SPATA2L: variants seen among roughly 807,000 people sequenced by gnomAD.
SPATA2L encodes spermatogenesis-associated protein 2-like protein.
A neutral mutation model predicts 8.7 loss-of-function variants in SPATA2L; 5 were observed. The ratio of observed to expected loss-of-function variants is 0.57; its 90% confidence interval spans 0.30 to 1.21. SPATA2L has a LOEUF of 1.21. SPATA2L is among the 50% of genes most tolerant of loss of function. SPATA2L has a pLI of 0.07. For missense variants in SPATA2L, 671 were observed against 591.0 expected, an observed-to-expected ratio of 1.14 and a Z score of -1.40; for synonymous variants, 358 against 275.8, an observed-to-expected ratio of 1.30 and a Z score of -2.95.
Position 89,697,978 on chromosome 16 carries a change from GT to G in SPATA2L, c.630del (p.Leu212CysfsTer105), listed in dbSNP as rs760090879. The G allele has an allele frequency of 1.9e-6, 3 of 1,604,254 alleles. No individual in the cohort carries two copies. Among genetic ancestry groups the G allele is most frequent in the Non-Finnish European group, 2.5e-6 (3 of 1,177,530 alleles). ...QQRLAQDEEP[P>X]PLPPRGSPAA... ...GCAGGGGAGCCTCGGGGGGGCAGGG[GT>G]GGCGGCTCCTCATCCTGGGCCAGCC... On this transcript the variant is annotated frameshift_variant, in exon 3 of 3. Transcript: ENST00000289805. LOFTEE classifies it low-confidence loss of function (END_TRUNC).
In SPATA2L at chr16:89,697,572, T is replaced by C. The variant is rs768318460; in HGVS notation, c.1037A>G (p.Tyr346Cys). The change falls in exon 3 of 3, where the codon TAT (tyrosine) becomes TGT (cysteine). Residue 346 changes from tyrosine to cysteine, a missense_variant. By Grantham distance (194) the Tyr-to-Cys change is radical. Transcript: ENST00000289805. ...IRAEGVPASA[Y>C]RSVSEPPGYQ... ...GCCTGGGGGCTCCGAGACAGACCTA[T>C]AGGCTGAGGCTGGTACCCCCTCTGC... 2 of 1,598,742 alleles carry C rather than the reference T, an allele frequency of 1.3e-6. No individual in the cohort carries two copies. The highest frequency in any genetic ancestry group is 1.7e-6 in the Non-Finnish European group (2 of 1,175,492).
In SPATA2L at chr16:89,701,083, C is replaced by A. The variant is rs558312501; in HGVS notation, c.150G>T (p.Gln50His). The change falls in exon 2 of 3, where the codon CAG (glutamine) becomes CAT (histidine). Residue 50 changes from glutamine to histidine, a missense_variant. By Grantham distance (24) the Gln-to-His change is conservative. Transcript: ENST00000289805. ...VEDFDLHGAL[Q>H]DDALALLTDG... ...CGGTGAGCAGAGCCAGCGCGTCGTC[C>A]TGCAGCGCCCCGTGCAGGTCGAAGT... 6.4e-7 allele frequency: 1 copy of A among 1,570,228 alleles called. No individual in the cohort carries two copies. The highest frequency in any genetic ancestry group is 8.6e-7 in the Non-Finnish European group (1 of 1,163,314).
intron 2 of SPATA2L, among the ~76,000 whole-genome samples, chr16:89,698,834 C>T (rs1032591076): frequency 6.7e-6 from 1 of 148,306 alleles, no homozygotes; most frequent in Non-Finnish European, 1.5e-5. Flanking sequence ...CTCGCTCTGT[C>T]TGGAGTACAG....
In SPATA2L at chr16:89,697,300, C is replaced by T. The variant is rs771206661; in HGVS notation, c.*34G>A. The T allele has an allele frequency of 4.1e-6, 6 of 1,479,830 alleles. No individual in the cohort carries two copies. In the Admixed American group the frequency reaches 1.2e-4, roughly 30 times the overall value. The allele number at this position is 1,479,830 out of a possible 1,614,324, so 91.7% of individuals were successfully genotyped here. A position where few individuals can be genotyped will look rare whatever the true frequency, so the allele number is the denominator to read the frequency against. ...CAAAGAGAAGCACCACGGGAGCTGT[C>T]TCCCAAGAGCCCTTGACCTGGGGCC... On this transcript the variant is annotated 3_prime_UTR_variant, in exon 3 of 3. Transcript: ENST00000289805.
chr16:89,700,482 G>A (rs949001070), intron 2 of SPATA2L, among the ~76,000 whole-genome samples: 4 of 152,330 alleles, frequency 2.6e-5, no homozygotes, highest in Admixed American at 6.5e-5. Flanking sequence ...GAGTTCACTA[G>A]GTCTGAGCCC....
At chr16:89,700,440 G>A (rs2060768625) in intron 2 of SPATA2L, among the ~76,000 whole-genome samples, 1 of 152,216 alleles carries the variant, frequency 6.6e-6, no homozygotes, top group South Asian at 2.1e-4. Flanking sequence ...GGCCAGGCCA[G>A]CCCTGGGCAC....
At position 89,697,812 on chromosome 16, in the gene SPATA2L, T is replaced by C. The variant is rs764979245; in HGVS notation, c.797A>G (p.Gln266Arg). 6.2e-7 allele frequency: 1 copy of C among 1,603,472 alleles called. No individual in the cohort carries two copies. The highest frequency in any genetic ancestry group is 8.5e-7 in the Non-Finnish European group (1 of 1,176,230). Reference protein sequence around the residue: ...ELAYRPPLWEQSAKLWGTGGR... With the variant: ...ELAYRPPLWERSAKLWGTGGR... The stretch of plus-strand genomic sequence containing the variant: ...CCCAGTGCCCCACAGTTTGGCACTC[T>C]GCTCCCAGAGTGGTGGCCTGTAGGC... Residue 266 changes from glutamine (Q) to arginine (R), a missense_variant, in exon 3 of 3, where the codon CAG becomes CGG. By Grantham distance (43) the Gln-to-Arg change is conservative. Coordinates refer to ENST00000289805, the MANE Select transcript of SPATA2L (RefSeq NM_152339.4).
In SPATA2L at chr16:89,701,250, T is replaced by TC. The variant is rs936308419; in HGVS notation, c.-1-18dup. ...CTGCCCATCCTGCGGCGGACGGGGG[T>TC]CGGGGGGGTCAGGGACCTAAGGCCG... On this transcript the variant is annotated splice_polypyrimidine_tract_variant and intron_variant, in intron 1 of 2. Transcript: ENST00000289805. The TC allele has an allele frequency of 3.9e-5, 55 of 1,396,114 alleles. No homozygotes were observed. Among genetic ancestry groups the TC allele is most frequent in the Admixed American group, 6.0e-5 (2 of 33,126 alleles). 86.5% of individuals were successfully genotyped at this position (1,396,114 alleles called of 1,614,324 possible). A position where few individuals can be genotyped will look rare whatever the true frequency, so the allele number is the denominator to read the frequency against.
chr16:89,698,284 G>T lies in SPATA2L; in HGVS notation c.325C>A (p.His109Asn). 1 of 1,577,176 alleles carries T rather than the reference G, an allele frequency of 6.3e-7. No individual in the cohort carries two copies. The highest frequency in any genetic ancestry group is 8.6e-7 in the Non-Finnish European group (1 of 1,158,678). The change falls in exon 3 of 3, where the codon CAC becomes AAC. Residue 109 changes from histidine (H) to asparagine (N), a missense_variant. Transcript: ENST00000289805. ...TIKTFSGGYVHVLKGVLSDDL... is the reference protein window; with the variant it reads ...TIKTFSGGYVNVLKGVLSDDL... ...TCTGAGAGCACACCCTTCAGCACGT[G>T]CACGTAGCCCCCAGAGAAGGTCTGC...
rs757774192 is a variant in SPATA2L, at chr16:89,697,603, T to A, written c.1006A>T (p.Ile336Phe). 6.2e-6 allele frequency: 10 copies of A among 1,602,782 alleles called. No individual in the cohort carries two copies. The highest frequency in any genetic ancestry group is 7.6e-6 in the Non-Finnish European group (9 of 1,178,392). Reference sequence around the variant, plus strand: ...GAGGCTGGTACCCCCTCTGCCCGAATACGCCTCGGGCTGGCCGCTGCAGAG... The same window carrying A: ...GAGGCTGGTACCCCCTCTGCCCGAAAACGCCTCGGGCTGGCCGCTGCAGAG... The part of the protein sequence containing the change: ...ESSAAASPRR[I>F]RAEGVPASAY... The change falls in exon 3 of 3, where the codon ATT becomes TTT. Residue 336 changes from isoleucine (I) to phenylalanine (F), a missense_variant. Physicochemically the swap from Ile to Phe is conservative, Grantham distance 21. Coordinates refer to ENST00000289805, the MANE Select transcript of SPATA2L (RefSeq NM_152339.4).
Position 89,696,629 on chromosome 16 carries a change from C to G in SPATA2L, c.*705G>C. On this transcript the variant is annotated 3_prime_UTR_variant, in exon 3 of 3. Coordinates refer to ENST00000289805, the MANE Select transcript of SPATA2L (RefSeq NM_152339.4). ...ACCACTGGACCCACCAAGACCCCGC[C>G]GCCTGGGCGGGCTGTCCACAGGCCC... is the stretch of plus-strand genomic sequence containing the variant. 1 of 696,116 alleles carries G rather than the reference C, an allele frequency of 1.4e-6. No homozygotes were observed. The highest frequency in any genetic ancestry group is 2.3e-6 in the Non-Finnish European group (1 of 431,450). The allele number at this position is 696,116 out of a possible 1,614,324, so 43.1% of individuals were successfully genotyped here. A position where few individuals can be genotyped will look rare whatever the true frequency, so the allele number is the denominator to read the frequency against.
chr16:89,700,096 A>ATTAGCTAATT (rs1448781039), intron 2 of SPATA2L, among the ~76,000 whole-genome samples: 1 of 152,198 alleles, frequency 6.6e-6, no homozygotes, highest in Non-Finnish European at 1.5e-5. Context: ...GCTGACAGAG[A>ATTAGCTAATT]TTAGCTAATT....
rs1256741052 is a variant in SPATA2L at position 89,698,234 on chromosome 16, C to A, written c.375G>T (p.Gln125His). 1.9e-6 allele frequency: 3 copies of A among 1,611,414 alleles called. No homozygotes were observed. Among genetic ancestry groups the A allele is most frequent in the Non-Finnish European group, 2.5e-6 (3 of 1,178,778 alleles). The change falls in exon 3 of 3, where the codon CAG becomes CAT. Residue 125 changes from glutamine to histidine, a missense_variant. By Grantham distance (24) the Gln-to-His change is conservative. Coordinates refer to ENST00000289805, the MANE Select transcript of SPATA2L (RefSeq NM_152339.4). Reference sequence around the variant, plus strand: ...TGTCTCTGCGTACGTAGCCCATCTTCTGGAAGCTCTTCAGGAGGAGGTCGT... The same window carrying A: ...TGTCTCTGCGTACGTAGCCCATCTTATGGAAGCTCTTCAGGAGGAGGTCGT... Reference protein sequence around the residue: ...LSDDLLLKSFQKMGYVRRDSH... With the variant: ...LSDDLLLKSFHKMGYVRRDSH...
At chr16:89,698,329 T>C (rs2060751696) in intron 2 of SPATA2L, 24 bp from the exon 3 acceptor site, 1 of 1,535,392 alleles carries the variant, frequency 6.5e-7, no homozygotes. Context: ...GCCAGGTCAG[T>C]GACTGCCCAC....
chr16:89,697,027 G>T lies in SPATA2L; in HGVS notation c.*307C>A. The T allele has an allele frequency of 1.4e-6, 2 of 1,419,608 alleles. No homozygotes were observed. The highest frequency in any genetic ancestry group is 1.8e-6 in the Non-Finnish European group (2 of 1,086,874). 87.9% of individuals were successfully genotyped at this position (1,419,608 alleles called of 1,614,324 possible). On this transcript the variant is annotated 3_prime_UTR_variant, in exon 3 of 3. Transcript: ENST00000289805. Reference sequence around the variant, plus strand: ...CTTGGGGCACAGGGTCCTTCTCAGGGACAGGTTCAGGCACTGGCTGGAACA... The same window carrying T: ...CTTGGGGCACAGGGTCCTTCTCAGGTACAGGTTCAGGCACTGGCTGGAACA...
intron 2 of SPATA2L, 23 bp from the exon 3 acceptor site, chr16:89,698,328 G>T (rs777727436): frequency 1.3e-6 from 2 of 1,535,914 alleles, no homozygotes; most frequent in Non-Finnish European, 8.8e-7. Flanking sequence ...GGCCAGGTCA[G>T]TGACTGCCCA....
intron 1 of SPATA2L, 112 bp from the exon 2 acceptor site, chr16:89,701,345 C>A: frequency 1.7e-5 from 19 of 1,144,156 alleles, no homozygotes; most frequent in Non-Finnish European, 2.2e-5. Context: ...CTGGAGACCC[C>A]GCCCCCAGCG....
chr16:89,701,357 C>T, intron 1 of SPATA2L, 124 bp from the exon 2 acceptor site: 1 of 1,016,786 alleles, frequency 9.8e-7, no homozygotes, highest in Non-Finnish European at 1.3e-6. Flanking sequence ...CCCCCAGCGG[C>T]TGGGCGCCCC....
chr16:89,698,720 C>T lies in SPATA2L; in HGVS notation c.304-415G>A, dbSNP rs180682840. Among the ~76,000 whole-genome samples, 296 of 151,818 alleles carry T rather than the reference C, an allele frequency of 1.9e-3. 2 individuals carry two copies. Among genetic ancestry groups the T allele is most frequent in the African/African-American group, 6.9e-3 (287 of 41,424 alleles). On this transcript the variant is annotated intron_variant, in intron 2 of 2. Coordinates refer to ENST00000289805, the MANE Select transcript of SPATA2L (RefSeq NM_152339.4). The stretch of plus-strand genomic sequence containing the variant: ...CATGCTGGTCTCAAACTCCTGACCT[C>T]AAGTGATCCGCCTGCCTTGAGCTCC...
Sources: allele counts gnomAD v4.1 joint callset (sites outside exome capture counted in the v4.1 genomes callset), GRCh38; gene constraint gnomAD v4.1.1; transcripts MANE v1.5; gene names NCBI Gene and HGNC (gene_info 2026-07-23, HGNC 2026-07-21).